Variants in KCNIP4 observed in about 807,000 individuals in gnomAD.
The protein encoded by KCNIP4 is potassium voltage-gated channel interacting protein 4, also known as Kv channel-interacting protein 4.
Under a neutral mutation model 34.0 loss-of-function variants are expected in KCNIP4, and 12 were observed. That is an observed-to-expected ratio of 0.35 (90% CI 0.23 to 0.57). KCNIP4 has a LOEUF of 0.57. Among genes scored for constraint, KCNIP4 ranks in the 20% least tolerant of loss-of-function variants. The probability of loss-of-function intolerance (pLI) is 0.83; values close to 1 mark genes in which losing one functional copy is unlikely to be tolerated. For synonymous variants in KCNIP4, 124 were observed against 102.2 expected, an observed-to-expected ratio of 1.21 and a Z score of -1.29; for missense variants, 238 against 311.7, an observed-to-expected ratio of 0.76 and a Z score of 1.78.
intron 1 of KCNIP4, among the ~76,000 whole-genome samples, chr4:20,938,214 T>C (rs1731275129): frequency 6.9e-6 from 1 of 145,714 alleles, no homozygotes; most frequent in South Asian, 2.2e-4. Context: ...TTTTTTTTTT[T>C]CAGCATCAGT....
chr4:21,107,693 C>A (rs1748706180), intron 1 of KCNIP4, among the ~76,000 whole-genome samples: 1 of 151,242 alleles, frequency 6.6e-6, no homozygotes, highest in Non-Finnish European at 1.5e-5. Flanking sequence ...TCTTCCTAGC[C>A]TCGACGGTCT....
chr4:21,039,729 C>G (rs1041821804), intron 1 of KCNIP4, among the ~76,000 whole-genome samples: 8 of 152,072 alleles, frequency 5.3e-5, no homozygotes, highest in Non-Finnish European at 8.8e-5. Flanking sequence ...TGGGAGTGAT[C>G]TTTTGTTTTT....
intron 1 of KCNIP4, among the ~76,000 whole-genome samples, chr4:21,075,078 T>A (rs1353952669): frequency 6.6e-6 from 1 of 151,884 alleles, no homozygotes; most frequent in Non-Finnish European, 1.5e-5. Flanking sequence ...AATTTTGGAA[T>A]AAGTGTGATG....
intron 1 of KCNIP4, chr4:21,849,050 T>C (rs1029733270): frequency 6.6e-6 from 1 of 151,972 alleles, no homozygotes; most frequent in South Asian, 2.1e-4. Context: ...TTTTACCATT[T>C]GTTGGAATCA....
chr4:21,205,747 G>A (rs546325454), intron 1 of KCNIP4, among the ~76,000 whole-genome samples: 19 of 152,252 alleles, frequency 1.2e-4, no homozygotes, highest in African/African-American at 3.4e-4. Context: ...GAGGTCACAC[G>A]GTTAATAAGT....
chr4:21,110,131 C>G (rs1749025797), intron 1 of KCNIP4, among the ~76,000 whole-genome samples: 1 of 152,104 alleles, frequency 6.6e-6, no homozygotes. Flanking sequence ...AATTAGATCT[C>G]CAGCAGTTTA....
intron 1 of KCNIP4, among the ~76,000 whole-genome samples, chr4:21,487,321 T>C (rs1259724941): frequency 1.3e-5 from 2 of 152,186 alleles, no homozygotes; most frequent in Non-Finnish European, 2.9e-5. Context: ...GTCATATATT[T>C]TTCTCATGAT....
intron 1 of KCNIP4, among the ~76,000 whole-genome samples, chr4:20,942,013 G>T (rs1162448420): frequency 6.6e-6 from 1 of 152,158 alleles, no homozygotes; most frequent in Non-Finnish European, 1.5e-5. Context: ...AAGGTTTCTG[G>T]CCCCACGGAG....
chr4:21,122,136 T>C (rs775398944), intron 1 of KCNIP4, among the ~76,000 whole-genome samples: 2 of 152,024 alleles, frequency 1.3e-5, no homozygotes, highest in Admixed American at 6.5e-5. Context: ...AGCCAAACAA[T>C]GTAGCCTAAA....
chr4:21,798,534 GAA>G (rs1472057808), intron 1 of KCNIP4, among the ~76,000 whole-genome samples: 3 of 112,914 alleles, frequency 2.7e-5, no homozygotes, highest in African/African-American at 9.7e-5. Flanking sequence ...AAAAAAAAAG[GAA>G]AGAGAGAGAG....
At chr4:21,930,142 C>A (rs1387733368) in intron 1 of KCNIP4, among the ~76,000 whole-genome samples, 2 of 152,098 alleles carry the variant, frequency 1.3e-5, no homozygotes, top group African/African-American at 4.8e-5. Flanking sequence ...GCAAGTATCC[C>A]AACCTCAATA....
chr4:21,394,244 T>C (rs1345074086), intron 1 of KCNIP4, among the ~76,000 whole-genome samples: 3 of 152,122 alleles, frequency 2.0e-5, no homozygotes, highest in Non-Finnish European at 2.9e-5. Flanking sequence ...AGGAAAAATA[T>C]ATCTAAAAAT....
At chr4:20,759,037 C>A in intron 3 of KCNIP4, 147 bp from the exon 4 acceptor site, 2 of 589,192 alleles carry the variant, frequency 3.4e-6, no homozygotes, top group Non-Finnish European at 6.0e-6. Flanking sequence ...AATAAAAGCA[C>A]ACTATAAACT....
At chr4:21,577,415 A>G (rs1028242988) in intron 1 of KCNIP4, among the ~76,000 whole-genome samples, 5 of 152,054 alleles carry the variant, frequency 3.3e-5, no homozygotes, top group African/African-American at 9.7e-5. Context: ...AGACCACCTG[A>G]GGTCAGGTGT....
chr4:21,744,351 C>A (rs1462702816), intron 1 of KCNIP4, among the ~76,000 whole-genome samples: 2 of 152,128 alleles, frequency 1.3e-5, no homozygotes, highest in East Asian at 1.9e-4. Flanking sequence ...ATAACATTGA[C>A]CCCTGCCTCC....
intron 1 of KCNIP4, among the ~76,000 whole-genome samples, chr4:21,018,080 A>G (rs1418454745): frequency 6.6e-6 from 1 of 152,216 alleles, no homozygotes; most frequent in Non-Finnish European, 1.5e-5. Flanking sequence ...TCATGCTTTG[A>G]AAAATCAATT....
At chr4:21,081,708 C>T (rs1338963822) in intron 1 of KCNIP4, among the ~76,000 whole-genome samples, 1 of 151,774 alleles carries the variant, frequency 6.6e-6, no homozygotes, top group African/African-American at 2.4e-5. Context: ...CAAGTCTTTA[C>T]TTACATCATA....
intron 1 of KCNIP4, among the ~76,000 whole-genome samples, chr4:21,336,155 T>C (rs949032580): frequency 6.6e-6 from 1 of 152,176 alleles, no homozygotes; most frequent in Non-Finnish European, 1.5e-5. Context: ...TGAATTTATT[T>C]ACATTGATAC....
At chr4:21,088,596 T>C (rs1304063854) in intron 1 of KCNIP4, among the ~76,000 whole-genome samples, 3 of 152,182 alleles carry the variant, frequency 2.0e-5, no homozygotes, top group African/African-American at 7.2e-5. Flanking sequence ...TCATGATTCA[T>C]TATTTCCTCT....
Sources: allele counts gnomAD v4.1 joint callset (sites outside exome capture counted in the v4.1 genomes callset), GRCh38; gene constraint gnomAD v4.1.1; transcripts MANE v1.5; gene names NCBI Gene and HGNC (gene_info 2026-07-23, HGNC 2026-07-21).